The following IMMP2L variants were observed in gnomAD, a reference collection of about 807,000 sequenced individuals.
IMMP2L encodes the protein inner mitochondrial membrane peptidase subunit 2, also known as mitochondrial inner membrane protease subunit 2.
IMMP2L carries 18 observed loss-of-function variants against 19.3 expected under a neutral mutation model. The observed-to-expected ratio is 0.93, with a 90% CI of 0.64 to 1.38. The LOEUF (loss-of-function observed/expected upper bound fraction) is 1.38. Among genes scored for constraint, IMMP2L ranks in the 40% most tolerant of loss-of-function variants. The probability of loss-of-function intolerance (pLI) is 0.00; values close to 1 mark genes in which losing one functional copy is unlikely to be tolerated. For synonymous variants in IMMP2L, 76 were observed against 73.0 expected (o/e 1.04, Z -0.21); for missense variants, 233 against 218.2 (o/e 1.07, Z -0.43).
chr7:110,762,430 A>G (rs1430920698), intron 5 of IMMP2L, among the ~76,000 whole-genome samples: 2 of 152,092 alleles, frequency 1.3e-5, no homozygotes, highest in Non-Finnish European at 2.9e-5. Context: ...TGGCTGCAAA[A>G]TGGCACGTTC....
At chr7:111,503,040 T>A (rs1349227445) in intron 2 of IMMP2L, among the ~76,000 whole-genome samples, 1 of 151,988 alleles carries the variant, frequency 6.6e-6, no homozygotes, top group Admixed American at 6.6e-5. Flanking sequence ...GAGCTGGTTT[T>A]TTGAAAAGAT....
chr7:111,295,590 A>G (rs1821542399), intron 3 of IMMP2L, among the ~76,000 whole-genome samples: 1 of 151,890 alleles, frequency 6.6e-6, no homozygotes, highest in South Asian at 2.1e-4. Context: ...GTGAAAAAGA[A>G]GGAGAAATCT....
chr7:111,509,817 A>T (rs562859837), intron 2 of IMMP2L, among the ~76,000 whole-genome samples: 1 of 150,940 alleles, frequency 6.6e-6, no homozygotes, highest in South Asian at 2.1e-4. Flanking sequence ...AAGTCTAAGA[A>T]AAAAAAAATT....
At chr7:111,084,515 G>T (rs757318906) in intron 3 of IMMP2L, among the ~76,000 whole-genome samples, 1 of 152,076 alleles carries the variant, frequency 6.6e-6, no homozygotes, top group South Asian at 2.1e-4. Flanking sequence ...AATTTTACTT[G>T]CAAGAGCACT....
At chr7:111,015,603 T>A (rs184212380) in intron 3 of IMMP2L, among the ~76,000 whole-genome samples, 2 of 152,178 alleles carry the variant, frequency 1.3e-5, no homozygotes, top group Admixed American at 1.3e-4. Flanking sequence ...TGAGTCTATC[T>A]ACATGAAATG....
chr7:110,744,830 G>T (rs1370082988), intron 5 of IMMP2L, among the ~76,000 whole-genome samples: 2 of 152,176 alleles, frequency 1.3e-5, no homozygotes, highest in Non-Finnish European at 2.9e-5. Flanking sequence ...CCAAAAACCA[G>T]AATGCTTCTT....
chr7:111,282,189 A>G (rs1040112677), intron 3 of IMMP2L, among the ~76,000 whole-genome samples: 6 of 152,214 alleles, frequency 3.9e-5, no homozygotes, highest in Admixed American at 6.5e-5. Context: ...TATAGAAAGA[A>G]GCGTGACAGA....
At position 111,169,225 on chromosome 7, in the gene IMMP2L, C is replaced by T. The variant is rs539590181; in HGVS notation, c.240-205660G>A. Among the ~76,000 whole-genome samples the T allele has an allele frequency of 2.0e-5, 3 of 151,890 alleles. No individual in the cohort carries two copies. The East Asian group carries it at 5.8e-4, about 30-fold the overall frequency. On this transcript the variant is annotated intron_variant, in intron 3 of 5. Coordinates refer to ENST00000405709, the MANE Select transcript of IMMP2L (RefSeq NM_032549.4). The stretch of plus-strand genomic sequence containing the variant: ...AACCTCCTTGGACCCTCCCTGGAGC[C>T]CAGATGCCTGCAGTGCAGTCATTAG...
chr7:110,745,314 T>G (rs368218813), intron 5 of IMMP2L, among the ~76,000 whole-genome samples: 1 of 152,186 alleles, frequency 6.6e-6, no homozygotes, highest in African/African-American at 2.4e-5. Context: ...TGGAACCAAG[T>G]TGGAAAACAC....
At chr7:111,194,199 T>A (rs78323470) in intron 3 of IMMP2L, among the ~76,000 whole-genome samples, 1,622 of 152,296 alleles carry the variant, frequency 0.011, 33 homozygotes, top group African/African-American at 0.036. Context: ...CCAGATCTTT[T>A]CAGGGTTCTA....
At chr7:111,318,462 G>A (rs1438445523) in intron 3 of IMMP2L, among the ~76,000 whole-genome samples, 1 of 152,082 alleles carries the variant, frequency 6.6e-6, no homozygotes, top group African/African-American at 2.4e-5. Flanking sequence ...CAACTCCCCA[G>A]GAAAAGATTT....
chr7:111,502,724 G>C (rs1221739224), intron 2 of IMMP2L, among the ~76,000 whole-genome samples: 5 of 150,672 alleles, frequency 3.3e-5, no homozygotes, highest in African/African-American at 1.2e-4. Flanking sequence ...ATGACTACTG[G>C]GTACATAACG....
At chr7:111,145,471 G>A (rs965958888) in intron 3 of IMMP2L, among the ~76,000 whole-genome samples, 1 of 152,072 alleles carries the variant, frequency 6.6e-6, no homozygotes, top group African/African-American at 2.4e-5. Flanking sequence ...CAAACAAAAG[G>A]CCATTGCTCT....
intron 4 of IMMP2L, among the ~76,000 whole-genome samples, chr7:110,898,162 T>C (rs946660265): frequency 9.2e-5 from 14 of 151,352 alleles, no homozygotes; most frequent in Non-Finnish European, 1.8e-4. Flanking sequence ...TATATACATA[T>C]ATAAATACAA....
rs1440254950 is a variant in IMMP2L at position 110,811,055 on chromosome 7, A to G, written c.408+75538T>C. Among the ~76,000 whole-genome samples the G allele has an allele frequency of 2.0e-5, 3 of 151,990 alleles. No homozygotes were observed. The East Asian group carries it at 5.8e-4, about 30-fold the overall frequency. ...ACAGATGAAGGCTGGGGTGACTGAA[A>G]GATTCCCCAGGCTCTGGCTTCTGAT... On this transcript the variant is annotated intron_variant, in intron 5 of 5. Coordinates refer to ENST00000405709, the MANE Select transcript of IMMP2L (RefSeq NM_032549.4).
At chr7:110,809,899 C>G (rs2131264724) in intron 5 of IMMP2L, among the ~76,000 whole-genome samples, 1 of 152,128 alleles carries the variant, frequency 6.6e-6, no homozygotes, top group Non-Finnish European at 1.5e-5. Flanking sequence ...CACTGCTCAC[C>G]CTTTCCCCCA....
At chr7:111,560,461 C>T (rs950494633) in intron 1 of IMMP2L, among the ~76,000 whole-genome samples, 1 of 152,138 alleles carries the variant, frequency 6.6e-6, no homozygotes, top group Admixed American at 6.5e-5. Flanking sequence ...AATTATTATA[C>T]TCGTACACTG....
chr7:110,888,815 T>C (rs1248567161), intron 4 of IMMP2L, among the ~76,000 whole-genome samples: 1 of 152,212 alleles, frequency 6.6e-6, no homozygotes, highest in Non-Finnish European at 1.5e-5. Flanking sequence ...TTATTTTTTA[T>C]GTCCCTCCAC....
At chr7:111,199,717 C>A (rs577674125) in intron 3 of IMMP2L, among the ~76,000 whole-genome samples, 1 of 152,100 alleles carries the variant, frequency 6.6e-6, no homozygotes, top group African/African-American at 2.4e-5. Flanking sequence ...TCAAAAGCAG[C>A]AAACTCTGCT....
Sources: gnomAD v4.1 joint callset for allele counts (sites outside exome capture counted in the v4.1 genomes callset) on GRCh38, gnomAD v4.1.1 for gene constraint, MANE v1.5 for transcripts, NCBI Gene and HGNC (gene_info 2026-07-23, HGNC 2026-07-21) for gene names.